Variants in XPR1 observed in about 807,000 individuals in gnomAD.
XPR1 encodes the protein xenotropic and polytropic retrovirus receptor 1.
XPR1 carries 28 observed loss-of-function variants against 87.5 expected under a neutral mutation model. The observed-to-expected ratio is 0.32, with a 90% CI of 0.24 to 0.44. The LOEUF (loss-of-function observed/expected upper bound fraction) is 0.44, where lower values mean the gene tolerates loss of function less well. Among genes scored for constraint, XPR1 ranks in the 20% least tolerant of loss-of-function variants. XPR1 has a pLI of 1.00. For synonymous variants in XPR1, 300 were observed against 306.1 expected (o/e 0.98, Z 0.21); for missense variants, 559 against 862.3 (o/e 0.65, Z 4.41).
At chr1:180,645,910 C>T (rs1389945349) in intron 1 of XPR1, among the ~76,000 whole-genome samples, 1 of 152,210 alleles carries the variant, frequency 6.6e-6, no homozygotes, top group Non-Finnish European at 1.5e-5. Flanking sequence ...CATATACCAA[C>T]ATAAAATGAC....
At chr1:180,720,877 A>AT (rs1183730570) in intron 2 of XPR1, among the ~76,000 whole-genome samples, 3 of 152,156 alleles carry the variant, frequency 2.0e-5, no homozygotes, top group African/African-American at 7.2e-5. Flanking sequence ...ATATATCTCC[A>AT]TATCAGTATG....
chr1:180,686,077 T>G (rs915103089), intron 2 of XPR1, among the ~76,000 whole-genome samples: 1 of 152,192 alleles, frequency 6.6e-6, no homozygotes, highest in Non-Finnish European at 1.5e-5. Flanking sequence ...AATCGTGGTG[T>G]TAGGGTGTCA....
In XPR1 at chr1:180,758,466, G is replaced by T. The variant is rs558958718; in HGVS notation, c.122-29287G>T. 2.0e-5 allele frequency among the ~76,000 whole-genome samples: 3 copies of T among 152,212 alleles called. No homozygotes were observed. In the South Asian group the frequency reaches 6.2e-4, roughly 32 times the overall value. ...GCTCATGCCTGTAATCCCAGCACTTGGGAGGCCGAGGTGGGTGGATCATTT... is the reference window on the plus strand; with the variant it reads ...GCTCATGCCTGTAATCCCAGCACTTTGGAGGCCGAGGTGGGTGGATCATTT... On this transcript the variant is annotated intron_variant, in intron 2 of 14. Transcript: ENST00000367590.
chr1:180,795,000 A>C (rs1351491187), intron 3 of XPR1, among the ~76,000 whole-genome samples: 2 of 152,220 alleles, frequency 1.3e-5, no homozygotes, highest in Non-Finnish European at 2.9e-5. Context: ...AAATGCATGT[A>C]ATGTAACAAA....
chr1:180,864,172 A>T (rs1022649743), intron 12 of XPR1, among the ~76,000 whole-genome samples: 2 of 152,146 alleles, frequency 1.3e-5, no homozygotes, highest in African/African-American at 4.8e-5. Flanking sequence ...AAGAATAAAT[A>T]ACTTACTGTA....
chr1:180,673,520 T>A (rs1474045720), intron 1 of XPR1, among the ~76,000 whole-genome samples: 3 of 152,174 alleles, frequency 2.0e-5, no homozygotes, highest in African/African-American at 7.2e-5. Context: ...CGCAGACCAG[T>A]ACTGGGCCAT....
intron 1 of XPR1, among the ~76,000 whole-genome samples, chr1:180,678,913 C>T (rs1026496728): frequency 2.1e-4 from 32 of 151,794 alleles, no homozygotes; most frequent in Admixed American, 3.3e-4. Flanking sequence ...TGTGCTGGTT[C>T]GGCCCGGCAT....
At chr1:180,852,355 G>C (rs144316446) in intron 11 of XPR1, among the ~76,000 whole-genome samples, 2 of 152,158 alleles carry the variant, frequency 1.3e-5, no homozygotes, top group African/African-American at 2.4e-5. Context: ...CCAGAATATT[G>C]ACATTCATAC....
chr1:180,755,937 TC>T (rs1244103265), intron 2 of XPR1, among the ~76,000 whole-genome samples: 2 of 152,204 alleles, frequency 1.3e-5, no homozygotes, highest in African/African-American at 4.8e-5. Context: ...TCTTCCTGAT[TC>T]CAGGGCTGGG....
Position 180,880,298 on chromosome 1 carries a change from G to A in XPR1, c.2030+1G>A. 6.2e-7 allele frequency: 1 copy of A among 1,614,136 alleles called. No individual in the cohort carries two copies. The highest frequency in any genetic ancestry group is 8.5e-7 in the Non-Finnish European group (1 of 1,180,018). The stretch of plus-strand genomic sequence containing the variant: ...TGCGCCGGCCTCGCCTCGCTTCTCA[G>A]TATGTATGGCTTCTACTTCTGTGAG... On this transcript the variant is annotated splice_donor_variant, in intron 14 of 14. Transcript: ENST00000367590. LOFTEE classifies it high-confidence loss of function.
Position 180,643,740 on chromosome 1 carries a change from G to A in XPR1, c.69+11470G>A, listed in dbSNP as rs184114401. Among the ~76,000 whole-genome samples the A allele has an allele frequency of 3.3e-5, 5 of 152,222 alleles. No homozygotes were observed. In the East Asian group the frequency reaches 9.6e-4, roughly 29 times the overall value. ...CAGATTCCATTTTTTTATCACTGTG[G>A]ATGCTCTGTGGTTCCACTGAGATAG... On this transcript the variant is annotated intron_variant, in intron 1 of 14. Transcript: ENST00000367590.
chr1:180,836,499 TTTC>T lies in XPR1; in HGVS notation c.1307-17_1307-15del, dbSNP rs780214679. ...AAGTTACTTTTTTTCAATGGTAATT[TTTC>T]TTCTTTGAAATCTTCACAGAATCAG... is the stretch of plus-strand genomic sequence containing the variant. On this transcript the variant is annotated intron_variant, in intron 10 of 14. Transcript: ENST00000367590. The T allele has an allele frequency of 1.9e-6, 3 of 1,613,182 alleles. No homozygotes were observed. Among genetic ancestry groups the T allele is most frequent in the Non-Finnish European group, 2.5e-6 (3 of 1,179,742 alleles).
chr1:180,756,177 G>A (rs1205500413), intron 2 of XPR1, among the ~76,000 whole-genome samples: 7 of 148,666 alleles, frequency 4.7e-5, no homozygotes, highest in Admixed American at 3.4e-4. Flanking sequence ...CCAATCAGGA[G>A]GAATCATCAG....
chr1:180,701,837 A>G (rs1156871623), intron 2 of XPR1, among the ~76,000 whole-genome samples: 1 of 137,104 alleles, frequency 7.3e-6, no homozygotes, highest in African/African-American at 3.1e-5. Context: ...TTTTTTCTTT[A>G]TTAGTCTTGC....
intron 1 of XPR1, among the ~76,000 whole-genome samples, chr1:180,640,137 T>G (rs570632440): frequency 1.3e-5 from 2 of 152,326 alleles, no homozygotes; most frequent in Admixed American, 1.3e-4. Flanking sequence ...AACCCAGGCT[T>G]AGAGAGATCA....
At chr1:180,643,503 G>A (rs1048258517) in intron 1 of XPR1, among the ~76,000 whole-genome samples, 2 of 152,128 alleles carry the variant, frequency 1.3e-5, no homozygotes, top group Admixed American at 6.6e-5. Context: ...ATACTTGTCA[G>A]TGTCCATCAT....
Position 180,632,277 on chromosome 1 carries a change from G to T in XPR1, c.69+7G>T. The T allele has an allele frequency of 6.2e-7, 1 of 1,610,614 alleles. No homozygotes were observed. The highest frequency in any genetic ancestry group is 8.5e-7 in the Non-Finnish European group (1 of 1,178,272). On this transcript the variant is annotated splice_region_variant and intron_variant, in intron 1 of 14. Coordinates refer to ENST00000367590, the MANE Select transcript of XPR1 (RefSeq NM_004736.4). ...GCAATACATCCAGTATGAGGTACCG[G>T]CACGGCTGGGGTGTGGGAGGACTCG...
intron 14 of XPR1, among the ~76,000 whole-genome samples, chr1:180,881,086 T>C (rs1234246094): frequency 1.3e-5 from 2 of 152,080 alleles, no homozygotes; most frequent in Non-Finnish European, 2.9e-5. Flanking sequence ...ATAGTAAGAA[T>C]AATTTTGCTG....
rs190034464 is a variant in XPR1, at chr1:180,660,482, T to C, written c.70-21878T>C. On this transcript the variant is annotated intron_variant, in intron 1 of 14. Coordinates refer to ENST00000367590, the MANE Select transcript of XPR1 (RefSeq NM_004736.4). ...TCTTCTTTTTTGATGTAGGCACTTA[T>C]AGCTATAAACTTTCCTCTTAGTACT... is the stretch of plus-strand genomic sequence containing the variant. Among the ~76,000 whole-genome samples, 541 of 152,282 alleles carry C rather than the reference T, an allele frequency of 3.6e-3. 5 individuals are homozygous for C. Among genetic ancestry groups the C allele is most frequent in the African/African-American group, 0.013 (529 of 41,574 alleles).
Sources: allele counts gnomAD v4.1 joint callset (sites outside exome capture counted in the v4.1 genomes callset), GRCh38; gene constraint gnomAD v4.1.1; transcripts MANE v1.5; gene names NCBI Gene and HGNC (gene_info 2026-07-23, HGNC 2026-07-21).